PCDH7: variants seen among roughly 807,000 people sequenced by gnomAD.
The protein encoded by PCDH7 is protocadherin-7.
In PCDH7, 17 loss-of-function variants were observed where a neutral mutation model predicts 58.9. That is an observed-to-expected ratio of 0.29 (90% CI 0.20 to 0.43). The LOEUF (loss-of-function observed/expected upper bound fraction) is 0.43, where lower values mean the gene tolerates loss of function less well. PCDH7 is among the 20% of genes least tolerant of loss of function. PCDH7 has a pLI of 1.00. For missense variants in PCDH7, 1,274 were observed against 1,441.0 expected (o/e 0.88, Z 1.88); for synonymous variants, 664 against 616.4 (o/e 1.08, Z -1.14).
At chr4:30,861,273 C>A (rs1734158250) in intron 1 of PCDH7, among the ~76,000 whole-genome samples, 1 of 152,104 alleles carries the variant, frequency 6.6e-6, no homozygotes, top group South Asian at 2.1e-4. Context: ...CTCTGATTCA[C>A]CCCCACTCTC....
chr4:30,881,568 C>A (rs1012409720), intron 1 of PCDH7, among the ~76,000 whole-genome samples: 1 of 152,092 alleles, frequency 6.6e-6, no homozygotes, highest in African/African-American at 2.4e-5. Context: ...CTTTTACCAC[C>A]GTTTCTAGCT....
intron 1 of PCDH7, among the ~76,000 whole-genome samples, chr4:30,764,028 G>A (rs1221108046): frequency 6.6e-6 from 1 of 152,124 alleles, no homozygotes; most frequent in Non-Finnish European, 1.5e-5. Flanking sequence ...ATCTATGACT[G>A]TACTAAATAT....
chr4:31,138,990 GAAA>G (rs1719939353), intron 3 of PCDH7, among the ~76,000 whole-genome samples: 1 of 146,356 alleles, frequency 6.8e-6, no homozygotes, highest in African/African-American at 2.5e-5. Flanking sequence ...AAAAAAAAAA[GAAA>G]AGAAAAAAAA....
chr4:31,003,689 C>T (rs1485236801), intron 3 of PCDH7, among the ~76,000 whole-genome samples: 2 of 151,848 alleles, frequency 1.3e-5, no homozygotes, highest in East Asian at 1.9e-4. Flanking sequence ...GTGTGGATCA[C>T]GAGGTCAGGA....
At chr4:31,038,428 T>C (rs1175464731) in intron 3 of PCDH7, among the ~76,000 whole-genome samples, 2 of 152,150 alleles carry the variant, frequency 1.3e-5, no homozygotes, top group Admixed American at 1.3e-4. Context: ...CTTAGAAGGG[T>C]AAACTTAAAT....
chr4:30,756,655 G>T (rs904063416), intron 1 of PCDH7, among the ~76,000 whole-genome samples: 5 of 152,006 alleles, frequency 3.3e-5, no homozygotes, highest in Admixed American at 3.3e-4. Flanking sequence ...TGTATGTTAC[G>T]CCACTACCTA....
chr4:30,996,568 G>A (rs1751919287), intron 3 of PCDH7, among the ~76,000 whole-genome samples: 1 of 151,986 alleles, frequency 6.6e-6, no homozygotes. Flanking sequence ...GATCATCTTG[G>A]GACATGCTAC....
At chr4:30,905,346 G>A (rs956191836) in intron 1 of PCDH7, among the ~76,000 whole-genome samples, 1 of 151,984 alleles carries the variant, frequency 6.6e-6, no homozygotes, top group Non-Finnish European at 1.5e-5. Context: ...AATTTACCAT[G>A]TAGGTTTATC....
chr4:30,907,728 GA>G (rs943691325), intron 1 of PCDH7, among the ~76,000 whole-genome samples: 2 of 152,118 alleles, frequency 1.3e-5, no homozygotes, highest in African/African-American at 4.8e-5. Flanking sequence ...ATTACCATTT[GA>G]CACAGCAATC....
At chr4:30,765,279 C>T (rs1720605721) in intron 1 of PCDH7, among the ~76,000 whole-genome samples, 1 of 151,892 alleles carries the variant, frequency 6.6e-6, no homozygotes, top group Admixed American at 6.6e-5. Flanking sequence ...TCAAATTCCA[C>T]TTTGCCACCT....
intron 3 of PCDH7, among the ~76,000 whole-genome samples, chr4:31,068,972 G>A (rs2109249605): frequency 6.6e-6 from 1 of 151,888 alleles, no homozygotes; most frequent in African/African-American, 2.4e-5. Flanking sequence ...TACTTTTTTG[G>A]CTTTGTCCTA....
chr4:31,017,938 G>A (rs1037821980), intron 3 of PCDH7, among the ~76,000 whole-genome samples: 3 of 151,876 alleles, frequency 2.0e-5, no homozygotes, highest in Admixed American at 6.6e-5. Context: ...ATAATGTTAA[G>A]CAATAAAACT....
At chr4:30,887,078 T>C (rs61794488) in intron 1 of PCDH7, among the ~76,000 whole-genome samples, 35,614 of 150,830 alleles carry the variant, frequency 0.24, 4,258 homozygotes, top group Middle Eastern at 0.27. Flanking sequence ...CATGTATACA[T>C]ATGTAACTAA....
chr4:30,972,468 C>T (rs1749678337), intron 3 of PCDH7, among the ~76,000 whole-genome samples: 2 of 152,114 alleles, frequency 1.3e-5, no homozygotes, highest in East Asian at 1.9e-4. Flanking sequence ...CTGTCATCTA[C>T]AAAAAATAGT....
chr4:31,104,316 A>G (rs1008880950), intron 3 of PCDH7, among the ~76,000 whole-genome samples: 2 of 152,146 alleles, frequency 1.3e-5, no homozygotes, highest in East Asian at 3.9e-4. Context: ...ATTCATCCCT[A>G]ATTGTACTAA....
intron 1 of PCDH7, among the ~76,000 whole-genome samples, chr4:30,790,522 G>A (rs1723977772): frequency 6.6e-6 from 1 of 152,184 alleles, no homozygotes; most frequent in Non-Finnish European, 1.5e-5. Flanking sequence ...CCAGTAGCTT[G>A]ATGGATTCAA....
exon 2 of PCDH7, chr4:30,730,936 T>C (rs972231319): frequency 1.5e-6 from 2 of 1,338,728 alleles, no homozygotes; most frequent in African/African-American, 3.0e-5. Context: ...AGTCTTTTTC[T>C]TTCTCATATA....
chr4:30,889,105 TG>T (rs1738240140), intron 1 of PCDH7, among the ~76,000 whole-genome samples: 3 of 127,898 alleles, frequency 2.3e-5, no homozygotes, highest in South Asian at 4.8e-4. Context: ...TGCTTCAGCC[TG>T]GGAGGCAGAG....
At chr4:31,118,110 A>G (rs1408038975) in intron 3 of PCDH7, among the ~76,000 whole-genome samples, 2 of 152,202 alleles carry the variant, frequency 1.3e-5, no homozygotes, top group Non-Finnish European at 2.9e-5. Flanking sequence ...AAGGAGATAC[A>G]TAGTAACTAT....
Sources: gnomAD v4.1 joint callset for allele counts (sites outside exome capture counted in the v4.1 genomes callset) on GRCh38, gnomAD v4.1.1 for gene constraint, MANE v1.5 for transcripts, NCBI Gene and HGNC (gene_info 2026-07-23, HGNC 2026-07-21) for gene names.